TMTC2: variants seen among roughly 807,000 people sequenced by gnomAD.
TMTC2 encodes the protein transmembrane O-mannosyltransferase targeting cadherins 2.
TMTC2 carries 43 observed loss-of-function variants against 82.4 expected under a neutral mutation model. That is an observed-to-expected ratio of 0.52 (90% CI 0.41 to 0.67). TMTC2 has a LOEUF of 0.67. Ranked by LOEUF, TMTC2 falls within the 30% of genes least tolerant of loss-of-function variation. The pLI, the probability that TMTC2 is intolerant of heterozygous loss-of-function variation, is 0.00. For synonymous variants in TMTC2, 408 were observed against 381.9 expected, an observed-to-expected ratio of 1.07 and a Z score of -0.80; for missense variants, 919 against 1,012.4, an observed-to-expected ratio of 0.91 and a Z score of 1.25.
rs116032573 is a variant in TMTC2, at chr12:82,762,417, C to T, written c.83+74748C>T. Among the ~76,000 whole-genome samples the T allele has an allele frequency of 1.7e-3, 259 of 152,280 alleles. 1 individual carries two copies. The highest frequency in any genetic ancestry group is 5.8e-3 in the African/African-American group (240 of 41,564). ...TGTGTCTTTTCCCAATGCATCCTGT[C>T]GTTTACCGTATACATAATGCCAGCC... On this transcript the variant is annotated intron_variant, in intron 1 of 11. Coordinates refer to ENST00000321196, the MANE Select transcript of TMTC2 (RefSeq NM_152588.3).
chr12:82,775,025 C>T (rs1877514157), intron 1 of TMTC2, among the ~76,000 whole-genome samples: 1 of 151,984 alleles, frequency 6.6e-6, no homozygotes, highest in Non-Finnish European at 1.5e-5. Context: ...TGAGTCTTGC[C>T]ATTGGTAAGA....
At chr12:82,741,600 C>T (rs538432102) in intron 1 of TMTC2, among the ~76,000 whole-genome samples, 43 of 152,344 alleles carry the variant, frequency 2.8e-4, no homozygotes, top group African/African-American at 1.0e-3. Flanking sequence ...TGAGCCACCA[C>T]ACGCAGCTGG....
At chr12:82,795,778 C>T (rs983763069) in intron 1 of TMTC2, among the ~76,000 whole-genome samples, 1 of 152,154 alleles carries the variant, frequency 6.6e-6, no homozygotes, top group Non-Finnish European at 1.5e-5. Context: ...GCAGCCCTCA[C>T]CAGACAACCA....
chr12:82,853,918 C>G (rs1871116640), intron 1 of TMTC2, among the ~76,000 whole-genome samples: 1 of 150,510 alleles, frequency 6.6e-6, no homozygotes, highest in South Asian at 2.1e-4. Flanking sequence ...TGGCAACACT[C>G]TTTGGCAGTT....
At chr12:82,716,566 G>C (rs1042145749) in intron 1 of TMTC2, among the ~76,000 whole-genome samples, 9 of 152,102 alleles carry the variant, frequency 5.9e-5, no homozygotes, top group African/African-American at 1.7e-4. Context: ...GTTTCACCGT[G>C]TTAGCCAGGA....
intron 1 of TMTC2, among the ~76,000 whole-genome samples, chr12:82,707,535 T>C (rs12426166): frequency 0.16 from 23,819 of 152,200 alleles, 2,127 homozygotes; most frequent in East Asian, 0.35. Flanking sequence ...GGTCCGGCTA[T>C]GGTGATCTTC....
At chr12:82,700,349 T>C (rs1873017884) in intron 1 of TMTC2, among the ~76,000 whole-genome samples, 1 of 152,222 alleles carries the variant, frequency 6.6e-6, no homozygotes, top group African/African-American at 2.4e-5. Context: ...AATGGTATTG[T>C]TGAATAGTTT....
intron 1 of TMTC2, among the ~76,000 whole-genome samples, chr12:82,802,966 G>A (rs984981489): frequency 5.3e-5 from 8 of 152,098 alleles, no homozygotes; most frequent in African/African-American, 1.7e-4. Context: ...AATGAAAGTC[G>A]GAATGTAGAG....
At chr12:82,844,277 C>T (rs937511972) in intron 1 of TMTC2, among the ~76,000 whole-genome samples, 2 of 152,112 alleles carry the variant, frequency 1.3e-5, no homozygotes, top group Admixed American at 1.3e-4. Context: ...GGAAAATTGC[C>T]ATGTACTTTA....
At chr12:82,904,618 G>A (rs1874191785) in intron 3 of TMTC2, among the ~76,000 whole-genome samples, 2 of 152,158 alleles carry the variant, frequency 1.3e-5, no homozygotes, top group Non-Finnish European at 2.9e-5. Context: ...TCTGTGCTTA[G>A]GAAAAAGCAA....
intron 1 of TMTC2, among the ~76,000 whole-genome samples, chr12:82,833,205 G>A (rs1270765181): frequency 6.6e-6 from 1 of 152,080 alleles, no homozygotes; most frequent in Non-Finnish European, 1.5e-5. Flanking sequence ...GTAGCAAGAT[G>A]GAAAATATTT....
intron 9 of TMTC2, among the ~76,000 whole-genome samples, chr12:83,036,769 G>A (rs1333135032): frequency 6.6e-6 from 1 of 152,098 alleles, no homozygotes; most frequent in Non-Finnish European, 1.5e-5. Flanking sequence ...AAGAAAAGAG[G>A]TTTATTTATG....
chr12:82,833,587 A>G (rs1869868791), intron 1 of TMTC2, among the ~76,000 whole-genome samples: 1 of 152,220 alleles, frequency 6.6e-6, no homozygotes, highest in South Asian at 2.1e-4. Flanking sequence ...TATATTGCCA[A>G]ACAACTCTGC....
chr12:83,131,166 A>G (rs1885245867), intron 11 of TMTC2, among the ~76,000 whole-genome samples: 1 of 152,204 alleles, frequency 6.6e-6, no homozygotes, highest in African/African-American at 2.4e-5. Flanking sequence ...CATAGCATAA[A>G]CACTTTAATT....
intron 1 of TMTC2, among the ~76,000 whole-genome samples, chr12:82,712,323 G>A (rs1565717877): frequency 6.6e-6 from 1 of 151,788 alleles, no homozygotes; most frequent in Non-Finnish European, 1.5e-5. Flanking sequence ...CCAGCTACTC[G>A]GGAGGCTGAG....
intron 9 of TMTC2, among the ~76,000 whole-genome samples, chr12:83,043,835 T>G (rs1352737921): frequency 6.6e-6 from 1 of 152,252 alleles, no homozygotes; most frequent in East Asian, 1.9e-4. Flanking sequence ...TTTCAGATTA[T>G]TTCCTCTTCT....
chr12:82,875,425 G>A (rs1872437031), intron 2 of TMTC2, among the ~76,000 whole-genome samples: 1 of 151,002 alleles, frequency 6.6e-6, no homozygotes, highest in Non-Finnish European at 1.5e-5. Context: ...AGAGCAGTAT[G>A]ATTTGTCCAG....
At chr12:82,844,738 C>G (rs562327152) in intron 1 of TMTC2, among the ~76,000 whole-genome samples, 28 of 150,752 alleles carry the variant, frequency 1.9e-4, no homozygotes, top group African/African-American at 6.8e-4. Context: ...GGAGGCGGAG[C>G]TTGCAGTGAG....
intron 10 of TMTC2, among the ~76,000 whole-genome samples, chr12:83,061,427 G>A (rs1462920202): frequency 2.6e-5 from 4 of 151,644 alleles, no homozygotes; most frequent in Non-Finnish European, 1.5e-5. Context: ...TTTTAAAATT[G>A]AGATTTTTCT....
Sources: gnomAD v4.1 joint callset for allele counts (sites outside exome capture counted in the v4.1 genomes callset) on GRCh38, gnomAD v4.1.1 for gene constraint, MANE v1.5 for transcripts, NCBI Gene and HGNC (gene_info 2026-07-23, HGNC 2026-07-21) for gene names.